The following ZFYVE9 variants were observed in gnomAD, a reference collection of about 807,000 sequenced individuals.
The protein encoded by ZFYVE9 is zinc finger FYVE domain-containing protein 9.
A neutral mutation model predicts 126.7 loss-of-function variants in ZFYVE9; 43 were observed. That is an observed-to-expected ratio of 0.34 (90% confidence interval 0.27 to 0.44). ZFYVE9 has a LOEUF of 0.44. ZFYVE9 is among the 20% of genes least tolerant of loss of function. The pLI, the probability that ZFYVE9 is intolerant of heterozygous loss-of-function variation, is 1.00. For missense variants in ZFYVE9, 1,476 were observed against 1,697.0 expected, an observed-to-expected ratio of 0.87 and a Z score of 2.29; for synonymous variants, 521 against 597.4, an observed-to-expected ratio of 0.87 and a Z score of 1.87.
chr1:52,244,370 C>G (rs2124637926), intron 4 of ZFYVE9, among the ~76,000 whole-genome samples: 1 of 152,198 alleles, frequency 6.6e-6, no homozygotes, highest in Non-Finnish European at 1.5e-5. Flanking sequence ...GAGAAAAATC[C>G]TTGAGAAGGC....
intron 7 of ZFYVE9, among the ~76,000 whole-genome samples, chr1:52,272,642 T>C (rs957002707): frequency 3.3e-5 from 5 of 151,930 alleles, no homozygotes; most frequent in African/African-American, 7.3e-5. Flanking sequence ...TTTTTGGCTA[T>C]TATGAATGAA....
chr1:52,329,331 A>G (rs1646319192), intron 13 of ZFYVE9, among the ~76,000 whole-genome samples: 1 of 152,218 alleles, frequency 6.6e-6, no homozygotes, highest in Non-Finnish European at 1.5e-5. Flanking sequence ...CATTATATAT[A>G]AAAACTGACT....
At chr1:52,180,297 A>G (rs552603366) in intron 1 of ZFYVE9, 2 of 1,591,758 alleles carry the variant, frequency 1.3e-6, no homozygotes, top group African/African-American at 1.3e-5. Context: ...AACAACCTGC[A>G]TACCCAGTTA....
chr1:52,219,975 A>C (rs1022418631), intron 2 of ZFYVE9, among the ~76,000 whole-genome samples: 1 of 151,904 alleles, frequency 6.6e-6, no homozygotes, highest in Non-Finnish European at 1.5e-5. Flanking sequence ...ACGGGGTTTC[A>C]CCATATTGGC....
At chr1:52,192,871 C>G (rs1644828402) in intron 1 of ZFYVE9, among the ~76,000 whole-genome samples, 2 of 152,128 alleles carry the variant, frequency 1.3e-5, no homozygotes, top group South Asian at 4.2e-4. Flanking sequence ...TTATTTCTGC[C>G]TCTCATTGGC....
At chr1:52,299,180 AT>A (rs889318355) in intron 12 of ZFYVE9, among the ~76,000 whole-genome samples, 2 of 151,662 alleles carry the variant, frequency 1.3e-5, no homozygotes, top group South Asian at 2.1e-4. Context: ...TAGGTATCTT[AT>A]TTTTTTTATA....
At chr1:52,208,827 C>T (rs572962416) in intron 1 of ZFYVE9, among the ~76,000 whole-genome samples, 1 of 152,252 alleles carries the variant, frequency 6.6e-6, no homozygotes, top group Admixed American at 6.5e-5. Flanking sequence ...ACTACCATGC[C>T]CGGCCTTGAA....
At chr1:52,326,693 CAAAAAAAAAA>C (rs34479038) in intron 13 of ZFYVE9, among the ~76,000 whole-genome samples, 1 of 102,962 alleles carries the variant, frequency 9.7e-6, no homozygotes, top group Non-Finnish European at 1.8e-5. Context: ...TACTCAATAC[CAAAAAAAAAA>C]AAAAAAAAAA....
At chr1:52,270,011 A>G (rs779709196) in intron 7 of ZFYVE9, among the ~76,000 whole-genome samples, 8 of 151,876 alleles carry the variant, frequency 5.3e-5, no homozygotes, top group Non-Finnish European at 1.0e-4. Flanking sequence ...GAATACCCAT[A>G]TACTCTTCAC....
At chr1:52,181,103 T>A (rs1046488444) in intron 1 of ZFYVE9, among the ~76,000 whole-genome samples, 1 of 151,014 alleles carries the variant, frequency 6.6e-6, no homozygotes, top group Non-Finnish European at 1.5e-5. Context: ...TCCTTCTCCC[T>A]CTCTTTCCAC....
chr1:52,236,140 C>T (rs1177312194), intron 3 of ZFYVE9, among the ~76,000 whole-genome samples: 2 of 152,058 alleles, frequency 1.3e-5, no homozygotes, highest in African/African-American at 4.8e-5. Context: ...TCTTATTCTC[C>T]CAATGAGATT....
chr1:52,188,307 G>T (rs186158400), intron 1 of ZFYVE9, among the ~76,000 whole-genome samples: 1 of 152,172 alleles, frequency 6.6e-6, no homozygotes, highest in East Asian at 1.9e-4. Flanking sequence ...GGGGAACAAC[G>T]GACACTGGGT....
chr1:52,185,399 G>A (rs1333916844), intron 1 of ZFYVE9, among the ~76,000 whole-genome samples: 1 of 152,100 alleles, frequency 6.6e-6, no homozygotes, highest in Non-Finnish European at 1.5e-5. Context: ...ATTATCAATG[G>A]TTAGTGTATT....
rs375600710 is a variant in ZFYVE9 at position 52,295,167 on chromosome 1, C to T, written c.3251-728C>T. Among the ~76,000 whole-genome samples, 5 of 152,070 alleles carry T rather than the reference C, an allele frequency of 3.3e-5. No homozygotes were observed. The East Asian group carries it at 7.7e-4, about 23-fold the overall frequency. ...AGGAGATCATGCCACTGCACTCCAG[C>T]CTGGGTGACAGAGTGAGACTGTGTC... On this transcript the variant is annotated intron_variant, in intron 11 of 18. Coordinates refer to ENST00000287727, the MANE Select transcript of ZFYVE9 (RefSeq NM_004799.4).
rs752772235 is a variant in ZFYVE9 at position 52,344,827 on chromosome 1, T to A, written c.3999T>A (p.Ser1333Arg). 1 of 1,614,204 alleles carries A rather than the reference T, an allele frequency of 6.2e-7. No individual in the cohort carries two copies. Among genetic ancestry groups the A allele is most frequent in the East Asian group, 2.2e-5 (1 of 44,884 alleles). Residue 1333 changes from serine to arginine, a missense_variant, in exon 18 of 19, where the codon AGT becomes AGA. Coordinates refer to ENST00000287727, the MANE Select transcript of ZFYVE9 (RefSeq NM_004799.4). ...GCCTCAGTGATCCTGCAGATCACAG[T>A]AGATTGACTGAGCATGTTGCCAAAG... ...HNCLSDPADH[S>R]RLTEHVAKAF... is the part of the protein sequence containing the mutation.
chr1:52,238,607 A>C lies in ZFYVE9; in HGVS notation c.1190A>C (p.Gln397Pro), dbSNP rs1645300541. The change falls in exon 4 of 19, where the codon CAG (glutamine) becomes CCG (proline). Residue 397 changes from glutamine (Q) to proline (P), a missense_variant. Gln to Pro is a moderately conservative substitution (Grantham distance 76). Coordinates refer to ENST00000287727, the MANE Select transcript of ZFYVE9 (RefSeq NM_004799.4). ...LNMTEHFSES[Q>P]DMTNWKLTKL... ...ATGACAGAGCATTTCTCTGAATCTCAGGACATGACTAATTGGAAGTTGACT... is the reference window on the plus strand; with the variant it reads ...ATGACAGAGCATTTCTCTGAATCTCCGGACATGACTAATTGGAAGTTGACT... 1 of 1,613,978 alleles carries C rather than the reference A, an allele frequency of 6.2e-7. No homozygotes were observed. Among genetic ancestry groups the C allele is most frequent in the African/African-American group, 1.3e-5 (1 of 74,930 alleles).
chr1:52,148,187 G>A (rs1251857210), intron 1 of ZFYVE9, among the ~76,000 whole-genome samples: 3 of 152,154 alleles, frequency 2.0e-5, no homozygotes, highest in South Asian at 2.1e-4. Context: ...GAGGATAAAA[G>A]TTGTAGGCCA....
At chr1:52,263,094 AAAAG>A (rs1370991213) in intron 4 of ZFYVE9, among the ~76,000 whole-genome samples, 41 of 145,362 alleles carry the variant, frequency 2.8e-4, no homozygotes, top group Non-Finnish European at 5.2e-4. Context: ...AAAAAAAAAA[AAAAG>A]AAAAGAAATC....
At chr1:52,181,489 T>G (rs972127426) in intron 1 of ZFYVE9, among the ~76,000 whole-genome samples, 11 of 152,222 alleles carry the variant, frequency 7.2e-5, no homozygotes, top group African/African-American at 2.7e-4. Context: ...GATTGCAGCC[T>G]CTGCCCGGCC....
Sources: gnomAD v4.1 joint callset for allele counts (sites outside exome capture counted in the v4.1 genomes callset) on GRCh38, gnomAD v4.1.1 for gene constraint, MANE v1.5 for transcripts, NCBI Gene and HGNC (gene_info 2026-07-23, HGNC 2026-07-21) for gene names.